The following CPEB4 variants were observed in gnomAD, a reference collection of about 807,000 sequenced individuals.
The protein encoded by CPEB4 is cytoplasmic polyadenylation element-binding protein 4.
Under a neutral mutation model 72.5 loss-of-function variants are expected in CPEB4, and 12 were observed. The observed-to-expected ratio is 0.17, with a 90% CI of 0.11 to 0.27. CPEB4 has a LOEUF of 0.27. CPEB4 is among the 10% of genes least tolerant of loss of function. CPEB4 has a pLI of 1.00. For missense variants in CPEB4, 614 were observed against 908.5 expected (o/e 0.68, Z 4.17); for synonymous variants, 302 against 326.3 (o/e 0.93, Z 0.80).
At chr5:173,945,268 C>A in intron 5 of CPEB4, 128 bp downstream of exon 5, 1 of 714,530 alleles carries the variant, frequency 1.4e-6, no homozygotes, top group Non-Finnish European at 2.3e-6. Flanking sequence ...TTCTCTTGTC[C>A]TATCCTCCTA....
chr5:173,950,211 G>A lies in CPEB4; in HGVS notation c.1665+133G>A. The A allele has an allele frequency of 1.8e-6, 1 of 556,490 alleles. No homozygotes were observed. The highest frequency in any genetic ancestry group is 3.2e-6 in the Non-Finnish European group (1 of 317,014). 34.5% of individuals were successfully genotyped at this position (556,490 alleles called of 1,614,324 possible). On this transcript the variant is annotated intron_variant, in intron 7 of 9. Transcript: ENST00000265085. The surrounding 1 kb of genome is among the most constrained non-coding windows in gnomAD (Gnocchi z 5.0). Reference sequence around the variant, plus strand: ...GTTTGTAAGCAGACTAAGTAGTCTTGTTGTGAAGTTCTTAACATTGACATT... The same window carrying A: ...GTTTGTAAGCAGACTAAGTAGTCTTATTGTGAAGTTCTTAACATTGACATT...
chr5:173,888,459 G>T lies in CPEB4; in HGVS notation c.-1275G>T. On this transcript the variant is annotated 5_prime_UTR_variant, in exon 1 of 10. In the 5' UTR this introduces an upstream ATG that the reference lacks. Transcript: ENST00000265085. This position sits in a 1 kb window ranked among gnomAD's most constrained non-coding sequence, Gnocchi z 4.3. ...CAGCGGCGACAGCAGAGGAGGAAGA[G>T]GAGGAAGAAGGAAAGAAAAAGAAGA... 2.3e-6 allele frequency: 1 copy of T among 440,182 alleles called. No homozygotes were observed. Among genetic ancestry groups the T allele is most frequent in the Non-Finnish European group, 3.9e-6 (1 of 253,724 alleles). The allele number at this position is 440,182 out of a possible 1,614,324, so 27.3% of individuals were successfully genotyped here. A position where few individuals can be genotyped will look rare whatever the true frequency, so the allele number is the denominator to read the frequency against.
rs1554091447 is a variant in CPEB4 at position 173,893,036 on chromosome 5, TGAGA to T, written c.1125+2194_1125+2197del. The T allele has an allele frequency of 3.5e-3, 351 of 100,956 alleles. 1 individual carries two copies. The highest frequency in any genetic ancestry group is 8.2e-3 in the African/African-American group (252 of 30,650). 6.3% of individuals were successfully genotyped at this position (100,956 alleles called of 1,614,324 possible). A position where few individuals can be genotyped will look rare whatever the true frequency, so the allele number is the denominator to read the frequency against. ...GTGTGTGTGTGTGTGTGTGTGTGTG[TGAGA>T]GAGAGAGAGAGAGAGCACACGCACA... On this transcript the variant is annotated intron_variant, in intron 1 of 9. Coordinates refer to ENST00000265085, the MANE Select transcript of CPEB4 (RefSeq NM_030627.4).
chr5:173,938,896 T>A (rs767346623), intron 3 of CPEB4, among the ~76,000 whole-genome samples: 1 of 152,190 alleles, frequency 6.6e-6, no homozygotes, highest in Non-Finnish European at 1.5e-5. Flanking sequence ...AATAATAAAT[T>A]CAAATGGTAC....
At position 173,944,961 on chromosome 5, in the gene CPEB4, T is replaced by C; in HGVS notation, c.1283-6T>C. The stretch of plus-strand genomic sequence containing the variant: ...GTTACCGTTTTTTCCCTGCTTTCTA[T>C]TCCAGGTCAGTCTTCACTGTTTCCA... On this transcript the variant is annotated splice_polypyrimidine_tract_variant and splice_region_variant and intron_variant, in intron 4 of 9. Coordinates refer to ENST00000265085, the MANE Select transcript of CPEB4 (RefSeq NM_030627.4). 1 of 1,603,644 alleles carries C rather than the reference T, an allele frequency of 6.2e-7. No homozygotes were observed. The highest frequency in any genetic ancestry group is 8.5e-7 in the Non-Finnish European group (1 of 1,172,706).
In CPEB4 at chr5:173,888,353, G is replaced by T. The variant is rs542143979; in HGVS notation, c.-1381G>T. The T allele has an allele frequency of 4.0e-5, 16 of 404,746 alleles. No homozygotes were observed. Among genetic ancestry groups the T allele is most frequent in the Non-Finnish European group, 6.5e-5 (15 of 229,912 alleles). The allele number at this position is 404,746 out of a possible 1,614,324, so 25.1% of individuals were successfully genotyped here. A position where few individuals can be genotyped will look rare whatever the true frequency, so the allele number is the denominator to read the frequency against. On this transcript the variant is annotated 5_prime_UTR_variant, in exon 1 of 10. Transcript: ENST00000265085. This position sits in a 1 kb window ranked among gnomAD's most constrained non-coding sequence, Gnocchi z 4.3. ...TTTCCAGCTGGTTGTCATTTCACTC[G>T]GCTCGGTCCTGAGGAGAAGGACTCA...
intron 1 of CPEB4, chr5:173,893,016 TGTGTGTGTGTGTGTGTGTGTGAGAGA>T (rs1755867984): frequency 7.0e-6 from 1 of 143,670 alleles, no homozygotes; most frequent in South Asian, 2.1e-4. Flanking sequence ...TGTGTGTGTG[TGTGTGTGTGTGTGTGTGTGTGAGAGA>T]GAGAGAGAGA....
rs1313674858 is a variant in CPEB4, at chr5:173,956,810, C to T, written c.*673C>T. ...TTCATTATCCCTCAAAAAGTTACCA[C>T]CACATCAGAAAAAATAAAAAAAAAA... On this transcript the variant is annotated 3_prime_UTR_variant, in exon 10 of 10. Transcript: ENST00000265085. 2.6e-5 allele frequency: 4 copies of T among 151,468 alleles called. No individual in the cohort carries two copies. Among genetic ancestry groups the T allele is most frequent in the Non-Finnish European group, 4.4e-5 (3 of 67,846 alleles). 9.4% of individuals were successfully genotyped at this position (151,468 alleles called of 1,614,324 possible).
Position 173,940,971 on chromosome 5 carries a change from C to T in CPEB4, c.1259-2055C>T, listed in dbSNP as rs191673446. ...TTTGAGAGTGTACATTTGAAGATTTCGAGAGTATTTGATTGTAACTTTTGA... is the reference window on the plus strand; with the variant it reads ...TTTGAGAGTGTACATTTGAAGATTTTGAGAGTATTTGATTGTAACTTTTGA... On this transcript the variant is annotated intron_variant, in intron 3 of 9. Coordinates refer to ENST00000265085, the MANE Select transcript of CPEB4 (RefSeq NM_030627.4). Among the ~76,000 whole-genome samples the T allele has an allele frequency of 3.8e-4, 58 of 152,214 alleles. No homozygotes were observed. The East Asian group carries it at 8.9e-3, about 23-fold the overall frequency.
At chr5:173,947,563 T>A (rs948463964) in intron 5 of CPEB4, among the ~76,000 whole-genome samples, 2 of 152,138 alleles carry the variant, frequency 1.3e-5, no homozygotes, top group African/African-American at 4.8e-5. Flanking sequence ...GGGAGCTAGG[T>A]TTCTCCCTGC....
rs148815019 is a variant in CPEB4, at chr5:173,944,633, C to T, written c.1283-334C>T. 2.5e-3 allele frequency among the ~76,000 whole-genome samples: 387 copies of T among 152,190 alleles called. 3 individuals carry two copies. Among genetic ancestry groups the T allele is most frequent in the South Asian group, 4.1e-3 (20 of 4,820 alleles). On this transcript the variant is annotated intron_variant, in intron 4 of 9. Transcript: ENST00000265085. ...TGTACATGTCTAGGTTGCCAATAGC[C>T]ATGGGGCCCTGCCAAGGGAGTACAG...
chr5:173,901,138 A>G (rs561759964), intron 1 of CPEB4, among the ~76,000 whole-genome samples: 4 of 152,338 alleles, frequency 2.6e-5, no homozygotes, highest in East Asian at 1.9e-4. Flanking sequence ...ATGACAAGAA[A>G]TGTTTATCAT....
intron 3 of CPEB4, 30 bp downstream of exon 3, chr5:173,932,530 G>A: frequency 6.4e-7 from 1 of 1,571,128 alleles, no homozygotes; most frequent in Non-Finnish European, 8.7e-7. Flanking sequence ...CCCTAGTGAA[G>A]TGCACAAAAC....
intron 2 of CPEB4, among the ~76,000 whole-genome samples, chr5:173,915,749 G>A (rs2113191584): frequency 6.6e-6 from 1 of 152,312 alleles, no homozygotes; most frequent in African/African-American, 2.4e-5. Flanking sequence ...TGTTATGCAT[G>A]TTTTTTCTCG....
At chr5:173,917,806 A>C (rs1354039702) in intron 2 of CPEB4, among the ~76,000 whole-genome samples, 1 of 152,232 alleles carries the variant, frequency 6.6e-6, no homozygotes, top group Non-Finnish European at 1.5e-5. Context: ...TTCTCCTTCC[A>C]AGTAAATTAT....
At chr5:173,921,735 C>T (rs1757080529) in intron 2 of CPEB4, among the ~76,000 whole-genome samples, 1 of 152,202 alleles carries the variant, frequency 6.6e-6, no homozygotes, top group African/African-American at 2.4e-5. Flanking sequence ...ATTTTAGCTT[C>T]TGCTTATACT....
At position 173,890,618 on chromosome 5, in the gene CPEB4, C is replaced by T. The variant is rs764688810; in HGVS notation, c.885C>T (p.Pro295=). 3 of 1,614,010 alleles carry T rather than the reference C, an allele frequency of 1.9e-6. No individual in the cohort carries two copies. Among genetic ancestry groups the T allele is most frequent in the Non-Finnish European group, 2.5e-6 (3 of 1,179,900 alleles). Residue 295 remains proline (P), a synonymous_variant, in exon 1 of 10, where the codon CCC becomes CCT. Transcript: ENST00000265085. ...GCTACCAGAGTCCGTCACCAACACCCTCCTCTTCCTGGAGCCCGGGCGGTG... is the reference window on the plus strand; with the variant it reads ...GCTACCAGAGTCCGTCACCAACACCTTCCTCTTCCTGGAGCCCGGGCGGTG... ...WSSYQSPSPT[P]SSSWSPGGGG...
rs1230228611 is a variant in CPEB4, at chr5:173,956,633, T to G, written c.*496T>G. 6.6e-6 allele frequency: 1 copy of G among 150,734 alleles called. No individual in the cohort carries two copies. Among genetic ancestry groups the G allele is most frequent in the African/African-American group, 2.4e-5 (1 of 41,098 alleles). 9.3% of individuals were successfully genotyped at this position (150,734 alleles called of 1,614,324 possible). A position where few individuals can be genotyped will look rare whatever the true frequency, so the allele number is the denominator to read the frequency against. The stretch of plus-strand genomic sequence containing the variant: ...TTTTTTTTTTTTCATCTTTTTTGTC[T>G]CTCTCTTTTTTCCATCCCTTTTTAA... On this transcript the variant is annotated 3_prime_UTR_variant, in exon 10 of 10. Coordinates refer to ENST00000265085, the MANE Select transcript of CPEB4 (RefSeq NM_030627.4).
At chr5:173,930,692 T>C (rs754916450) in intron 2 of CPEB4, among the ~76,000 whole-genome samples, 2 of 152,050 alleles carry the variant, frequency 1.3e-5, no homozygotes, top group Non-Finnish European at 2.9e-5. Flanking sequence ...GTTTTAAAAT[T>C]GTAGGAAAAT....
Sources: allele counts gnomAD v4.1 joint callset (sites outside exome capture counted in the v4.1 genomes callset), GRCh38; gene constraint gnomAD v4.1.1; non-coding constraint Gnocchi (gnomAD v3.1); transcripts MANE v1.5; gene names NCBI Gene and HGNC (gene_info 2026-07-23, HGNC 2026-07-21).